LRRTM4: variants seen among roughly 807,000 people sequenced by gnomAD.
The protein encoded by LRRTM4 is leucine-rich repeat transmembrane neuronal protein 4.
LRRTM4 carries 25 observed loss-of-function variants against 47.6 expected under a neutral mutation model. The ratio of observed to expected loss-of-function variants is 0.53; its 90% CI spans 0.38 to 0.73. LRRTM4 has a LOEUF of 0.73. Among genes scored for constraint, LRRTM4 ranks in the 30% least tolerant of loss-of-function variants. The pLI, the probability that LRRTM4 is intolerant of heterozygous loss-of-function variation, is 0.00. For synonymous variants in LRRTM4, 311 were observed against 269.5 expected (o/e 1.15, Z -1.51); for missense variants, 638 against 713.4 (o/e 0.89, Z 1.20).
At chr2:77,220,390 C>T (rs4263134) in intron 3 of LRRTM4, among the ~76,000 whole-genome samples, 1 of 151,956 alleles carries the variant, frequency 6.6e-6, no homozygotes, top group Non-Finnish European at 1.5e-5. Context: ...AGAAGGCTTC[C>T]GAAGATCAAA....
Position 77,298,767 on chromosome 2 carries a change from A to T in LRRTM4, c.1551+219551T>A, listed in dbSNP as rs571589562. Among the ~76,000 whole-genome samples the T allele has an allele frequency of 4.6e-5, 7 of 152,332 alleles. No individual in the cohort carries two copies. The South Asian group carries it at 1.4e-3, about 32-fold the overall frequency. ...AACTAATTAATCTTCCATTCATCAGAAAATATCCTGCTGCTATCATTAGAG... is the reference window on the plus strand; with the variant it reads ...AACTAATTAATCTTCCATTCATCAGTAAATATCCTGCTGCTATCATTAGAG... On this transcript the variant is annotated intron_variant, in intron 3 of 3. Coordinates refer to ENST00000409884, the MANE Select transcript of LRRTM4 (RefSeq NM_001134745.3).
chr2:77,061,053 C>T (rs1679769832), intron 3 of LRRTM4, among the ~76,000 whole-genome samples: 1 of 151,678 alleles, frequency 6.6e-6, no homozygotes, highest in Non-Finnish European at 1.5e-5. Flanking sequence ...CAATTCCAGT[C>T]CTAGTTTTGC....
At chr2:76,969,588 G>A (rs893228753) in intron 3 of LRRTM4, among the ~76,000 whole-genome samples, 7 of 151,752 alleles carry the variant, frequency 4.6e-5, no homozygotes, top group African/African-American at 1.7e-4. Context: ...AATGCATGCT[G>A]AACCAAGCTT....
intron 3 of LRRTM4, among the ~76,000 whole-genome samples, chr2:76,775,397 A>C (rs1673923080): frequency 6.6e-6 from 1 of 152,158 alleles, no homozygotes; most frequent in Non-Finnish European, 1.5e-5. Flanking sequence ...GGGCAAGTAG[A>C]CCATGTAGAT....
intron 3 of LRRTM4, among the ~76,000 whole-genome samples, chr2:77,114,593 C>A (rs573823295): frequency 6.6e-6 from 1 of 152,112 alleles, no homozygotes; most frequent in Non-Finnish European, 1.5e-5. Context: ...TGCCAGATAT[C>A]AGGGGAACCA....
intron 3 of LRRTM4, among the ~76,000 whole-genome samples, chr2:77,226,337 GTCAGAAACAGCTTCTAT>G (rs879793046): frequency 1.1e-4 from 17 of 151,578 alleles, no homozygotes; most frequent in Admixed American, 1.3e-4. Context: ...ATTAGGAGTG[GTCAGAAACAGCTTCTAT>G]TCTTTTTTAC....
At chr2:77,373,469 C>T (rs1385513653) in intron 3 of LRRTM4, among the ~76,000 whole-genome samples, 1 of 151,636 alleles carries the variant, frequency 6.6e-6, no homozygotes, top group Non-Finnish European at 1.5e-5. Flanking sequence ...AAAACTGGTG[C>T]TACATTTTAA....
chr2:76,894,315 T>G lies in LRRTM4; in HGVS notation c.1552-145399A>C, dbSNP rs1019092051. Among the ~76,000 whole-genome samples the G allele has an allele frequency of 3.3e-5, 5 of 152,212 alleles. No homozygotes were observed. The East Asian group carries it at 5.8e-4, about 18-fold the overall frequency. ...AGAGCTAATGCATAATTTGACAACA[T>G]GGCATAGTAGGTCCCCTTGGACCAG... On this transcript the variant is annotated intron_variant, in intron 3 of 3. Coordinates refer to ENST00000409884, the MANE Select transcript of LRRTM4 (RefSeq NM_001134745.3).
chr2:77,298,890 A>G (rs1677045914), intron 3 of LRRTM4, among the ~76,000 whole-genome samples: 1 of 152,144 alleles, frequency 6.6e-6, no homozygotes, highest in Non-Finnish European at 1.5e-5. Flanking sequence ...TTTTCTTACT[A>G]CTAACTGTAA....
intron 3 of LRRTM4, among the ~76,000 whole-genome samples, chr2:76,752,893 C>T (rs1672900103): frequency 6.6e-6 from 1 of 152,160 alleles, no homozygotes; most frequent in Non-Finnish European, 1.5e-5. Flanking sequence ...ATGAGCTCCA[C>T]TCTATAGCAC....
intron 3 of LRRTM4, among the ~76,000 whole-genome samples, chr2:77,419,894 C>T (rs990401761): frequency 1.6e-4 from 24 of 152,044 alleles, no homozygotes; most frequent in Admixed American, 1.6e-3. Context: ...ATAGAAGAAA[C>T]ATGATCGGTA....
intron 3 of LRRTM4, among the ~76,000 whole-genome samples, chr2:77,272,672 G>C (rs1219481008): frequency 6.6e-6 from 1 of 152,042 alleles, no homozygotes; most frequent in Non-Finnish European, 1.5e-5. Context: ...GTGTCATTGG[G>C]GCAGGTCCTT....
intron 3 of LRRTM4, among the ~76,000 whole-genome samples, chr2:77,309,079 C>T (rs114164784): frequency 1.4e-4 from 21 of 152,162 alleles, no homozygotes; most frequent in Admixed American, 7.2e-4. Context: ...ACCTATTCAA[C>T]AAAAAGAATA....
chr2:76,769,233 T>A (rs1278701684), intron 3 of LRRTM4, among the ~76,000 whole-genome samples: 1 of 152,204 alleles, frequency 6.6e-6, no homozygotes, highest in Non-Finnish European at 1.5e-5. Flanking sequence ...AAGGAACTCC[T>A]ATTTACTTAG....
At chr2:77,283,620 C>A (rs1400932159) in intron 3 of LRRTM4, among the ~76,000 whole-genome samples, 1 of 152,038 alleles carries the variant, frequency 6.6e-6, no homozygotes, top group Non-Finnish European at 1.5e-5. Context: ...TTCATATACA[C>A]CATGGAATAC....
intron 3 of LRRTM4, among the ~76,000 whole-genome samples, chr2:77,498,196 C>A (rs1341020295): frequency 6.6e-6 from 1 of 151,766 alleles, no homozygotes; most frequent in Non-Finnish European, 1.5e-5. Context: ...GCCTTAAACT[C>A]AATTGGAAGA....
At chr2:76,840,295 G>T (rs1044790843) in intron 3 of LRRTM4, among the ~76,000 whole-genome samples, 1 of 152,182 alleles carries the variant, frequency 6.6e-6, no homozygotes, top group Non-Finnish European at 1.5e-5. Flanking sequence ...AGTTTCAAAT[G>T]TATCTCCACA....
intron 3 of LRRTM4, among the ~76,000 whole-genome samples, chr2:77,047,632 G>T (rs529507471): frequency 1.3e-5 from 2 of 151,948 alleles, no homozygotes; most frequent in Non-Finnish European, 2.9e-5. Flanking sequence ...ATTTTATAAA[G>T]ACACCAGTCA....
chr2:77,455,314 TG>T (rs1676489239), intron 3 of LRRTM4, among the ~76,000 whole-genome samples: 1 of 152,234 alleles, frequency 6.6e-6, no homozygotes. Flanking sequence ...TATACTAATT[TG>T]TAAGAGTATC....
Sources: allele counts gnomAD v4.1 joint callset (sites outside exome capture counted in the v4.1 genomes callset), GRCh38; gene constraint gnomAD v4.1.1; transcripts MANE v1.5; gene names NCBI Gene and HGNC (gene_info 2026-07-23, HGNC 2026-07-21).